The following FBN1 variants were observed in gnomAD, a reference collection of about 807,000 sequenced individuals.
FBN1 encodes fibrillin 1.
In FBN1, 29 loss-of-function variants were observed where a neutral mutation model predicts 365.1. The observed-to-expected ratio is 0.08, with a 90% CI of 0.06 to 0.11. The LOEUF is 0.11. Among genes scored for constraint, FBN1 ranks in the 10% least tolerant of loss-of-function variants. The probability of loss-of-function intolerance (pLI) is 1.00; values close to 1 mark genes in which losing one functional copy is unlikely to be tolerated. For synonymous variants in FBN1, 1,210 were observed against 1,270.5 expected (o/e 0.95, Z 1.01); for missense variants, 2,476 against 3,703.2 (o/e 0.67, Z 8.60).
chr15:48,634,932 G>A (rs1890067989), intron 2 of FBN1, among the ~76,000 whole-genome samples: 2 of 139,266 alleles, frequency 1.4e-5, no homozygotes, highest in Admixed American at 7.5e-5. Flanking sequence ...GGAATACATT[G>A]TCTTTATTAA....
At chr15:48,454,327 G>A (rs1484629443) in intron 44 of FBN1, among the ~76,000 whole-genome samples, 1 of 152,182 alleles carries the variant, frequency 6.6e-6, no homozygotes, top group Non-Finnish European at 1.5e-5. Context: ...TAACATGGGA[G>A]TTATCATAAA....
intron 44 of FBN1, 21 bp downstream of exon 44, chr15:48,456,616 T>A (rs1454286168): frequency 6.2e-7 from 1 of 1,612,586 alleles, no homozygotes; most frequent in South Asian, 1.1e-5. Context: ...CTGGATATGA[T>A]AAAGTCATGA....
chr15:48,536,368 C>T lies in FBN1; in HGVS notation c.736+1243G>A, dbSNP rs1393850483. On this transcript the variant is annotated intron_variant, in intron 7 of 65. Transcript: ENST00000316623. ...CCCCACCCCCCCAATTCCATTAGCA[C>T]CCTAACCTCTGACAATGGGTCACTG... Among the ~76,000 whole-genome samples, 3 of 151,950 alleles carry T rather than the reference C, an allele frequency of 2.0e-5. No homozygotes were observed. In the East Asian group the frequency reaches 5.8e-4, roughly 29 times the overall value.
At chr15:48,447,796 G>C (rs1566899161) in intron 46 of FBN1, among the ~76,000 whole-genome samples, 1 of 152,122 alleles carries the variant, frequency 6.6e-6, no homozygotes, top group African/African-American at 2.4e-5. Context: ...GGAAGCTATT[G>C]CTAACCCAAA....
chr15:48,517,004 TAGTA>T (rs2043809914), intron 10 of FBN1, among the ~76,000 whole-genome samples: 1 of 152,078 alleles, frequency 6.6e-6, no homozygotes, highest in Admixed American at 6.6e-5. Context: ...CTCAGTGAAG[TAGTA>T]AGTGTCAGAG....
intron 6 of FBN1, among the ~76,000 whole-genome samples, chr15:48,576,906 C>T (rs2044352448): frequency 6.6e-6 from 1 of 152,106 alleles, no homozygotes; most frequent in South Asian, 2.1e-4. Flanking sequence ...GGAGGGGTCT[C>T]TGTGAAAAAT....
chr15:48,495,291 T>G (rs2043597015), intron 21 of FBN1, 31 bp from the exon 22 acceptor site: 1 of 1,611,054 alleles, frequency 6.2e-7, no homozygotes, highest in Non-Finnish European at 8.5e-7. Flanking sequence ...TTTAATAGAA[T>G]CTATATAAAA....
chr15:48,537,155 C>T (rs572525236), intron 7 of FBN1, among the ~76,000 whole-genome samples: 1 of 152,190 alleles, frequency 6.6e-6, no homozygotes, highest in South Asian at 2.1e-4. Context: ...TAAAAAAATG[C>T]AAAATGTAGC....
At chr15:48,521,883 A>G (rs1566918435) in intron 9 of FBN1, among the ~76,000 whole-genome samples, 1 of 152,248 alleles carries the variant, frequency 6.6e-6, no homozygotes, top group Non-Finnish European at 1.5e-5. Flanking sequence ...CAGGGGCCCC[A>G]ATCCCCAGTT....
chr15:48,539,662 T>C (rs978906432), intron 6 of FBN1, among the ~76,000 whole-genome samples: 2 of 152,072 alleles, frequency 1.3e-5, no homozygotes, highest in African/African-American at 4.8e-5. Flanking sequence ...ATTGTGTGAG[T>C]GATATCTACA....
intron 6 of FBN1, among the ~76,000 whole-genome samples, chr15:48,569,744 CA>C: frequency 6.6e-6 from 1 of 152,184 alleles, no homozygotes; most frequent in South Asian, 2.1e-4. Context: ...CCAGAAAAGG[CA>C]TATCTATAGA....
At chr15:48,472,720 G>T in intron 34 of FBN1, 44 bp from the exon 35 acceptor site, 1 of 1,613,850 alleles carries the variant, frequency 6.2e-7, no homozygotes. Flanking sequence ...TCGGTTAGGG[G>T]CTTTCTAATT....
intron 44 of FBN1, among the ~76,000 whole-genome samples, chr15:48,453,727 T>TGG (rs910402171): frequency 1.3e-5 from 2 of 151,998 alleles, no homozygotes; most frequent in South Asian, 4.2e-4. Flanking sequence ...ATGCTGATGA[T>TGG]GGGGGAGGCT....
chr15:48,506,363 T>C (rs1464415350), intron 15 of FBN1, among the ~76,000 whole-genome samples: 2 of 152,266 alleles, frequency 1.3e-5, no homozygotes, highest in Non-Finnish European at 2.9e-5. Context: ...CGTGTTTTAC[T>C]TAGCTTGTGT....
At position 48,489,845 on chromosome 15, in the gene FBN1, T is replaced by TA. The variant is rs1566910240; in HGVS notation, c.3082+5_3082+6insT. 1 of 1,613,020 alleles carries TA rather than the reference T, an allele frequency of 6.2e-7. No homozygotes were observed. The highest frequency in any genetic ancestry group is 8.5e-7 in the Non-Finnish European group (1 of 1,179,038). ...GCAATTGGCCATGGAAAACGTAACA[T>TA]TGTACCTTTGAAGAAAGGCTTTCCA... On this transcript the variant is annotated splice_donor_region_variant and intron_variant, in intron 25 of 65. Coordinates refer to ENST00000316623, the MANE Select transcript of FBN1 (RefSeq NM_000138.5).
intron 2 of FBN1, chr15:48,643,409 G>T (rs1277750119): frequency 6.6e-6 from 1 of 152,152 alleles, no homozygotes; most frequent in Non-Finnish European, 1.5e-5. Context: ...CTAAGTGCTT[G>T]GCTCATACAA....
In FBN1 at chr15:48,488,402, G is replaced by C; in HGVS notation, c.3174C>G (p.Gly1058=). Residue 1058 remains glycine, a synonymous_variant, in exon 26 of 66, where the codon GGC becomes GGG. Transcript: ENST00000316623. ...IGSFKCRCDS[G]FALDSEERNC... ...TCCTTTCTTCAGAATCAAGAGCAAA[G>C]CCGCTGTCACACCTGCACTTAAAGC... is the stretch of plus-strand genomic sequence containing the variant. 1 of 1,614,196 alleles carries C rather than the reference G, an allele frequency of 6.2e-7. No individual in the cohort carries two copies. Among genetic ancestry groups the C allele is most frequent in the Non-Finnish European group, 8.5e-7 (1 of 1,180,028 alleles).
intron 17 of FBN1, among the ~76,000 whole-genome samples, chr15:48,503,288 C>T (rs1454776515): frequency 8.1e-6 from 1 of 123,866 alleles, no homozygotes; most frequent in East Asian, 2.5e-4. Context: ...CAGGGCGAGA[C>T]TCCATCTCAA....
intron 9 of FBN1, among the ~76,000 whole-genome samples, chr15:48,522,968 G>T (rs1011741756): frequency 1.2e-4 from 19 of 152,206 alleles, no homozygotes; most frequent in African/African-American, 4.6e-4. Context: ...GCTGGAGAGG[G>T]AGTATAGACA....
Sources: gnomAD v4.1 joint callset for allele counts (sites outside exome capture counted in the v4.1 genomes callset) on GRCh38, gnomAD v4.1.1 for gene constraint, MANE v1.5 for transcripts, NCBI Gene and HGNC (gene_info 2026-07-23, HGNC 2026-07-21) for gene names.